STXBP5L: variants seen among roughly 807,000 people sequenced by gnomAD.
STXBP5L encodes syntaxin binding protein 5L, also known as syntaxin-binding protein 5-like.
A neutral mutation model predicts 144.5 loss-of-function variants in STXBP5L; 65 were observed. The ratio of observed to expected loss-of-function variants is 0.45; its 90% CI spans 0.37 to 0.55. The LOEUF is 0.55. STXBP5L is among the 20% of genes least tolerant of loss of function. The pLI, the probability that STXBP5L is intolerant of heterozygous loss-of-function variation, is 0.00. For synonymous variants in STXBP5L, 505 were observed against 469.6 expected (o/e 1.08, Z -0.97); for missense variants, 1,298 against 1,405.5 (o/e 0.92, Z 1.22).
intron 3 of STXBP5L, among the ~76,000 whole-genome samples, chr3:120,963,772 T>A (rs1398728822): frequency 6.6e-6 from 1 of 152,202 alleles, no homozygotes; most frequent in African/African-American, 2.4e-5. Context: ...TGTATCGGGA[T>A]AATATTGGCC....
intron 6 of STXBP5L, among the ~76,000 whole-genome samples, chr3:121,115,761 A>T (rs546485001): frequency 6.6e-6 from 1 of 152,288 alleles, no homozygotes; most frequent in Non-Finnish European, 1.5e-5. Flanking sequence ...GCTTCCAGGG[A>T]GGCCTCAGGA....
intron 5 of STXBP5L, among the ~76,000 whole-genome samples, chr3:121,059,573 C>G (rs757198078): frequency 1.3e-5 from 2 of 152,110 alleles, no homozygotes; most frequent in Non-Finnish European, 2.9e-5. Flanking sequence ...GTCAGTATGG[C>G]CATTTTCACC....
chr3:121,033,433 A>AGG (rs1474511845), intron 3 of STXBP5L, among the ~76,000 whole-genome samples: 1 of 88,446 alleles, frequency 1.1e-5, no homozygotes, highest in African/African-American at 4.5e-5. Flanking sequence ...GGGTCGGGGG[A>AGG]GGGGGGAGGG....
intron 20 of STXBP5L, among the ~76,000 whole-genome samples, chr3:121,348,523 G>T (rs2045110416): frequency 1.3e-5 from 2 of 152,122 alleles, no homozygotes; most frequent in Admixed American, 1.3e-4. Context: ...AATAGTTTCA[G>T]AAGGAATGGT....
At chr3:121,197,234 G>A (rs1364712151) in intron 9 of STXBP5L, among the ~76,000 whole-genome samples, 1 of 151,632 alleles carries the variant, frequency 6.6e-6, no homozygotes, top group African/African-American at 2.4e-5. Context: ...AAACTTTTTT[G>A]TATCTTTGAT....
At chr3:121,306,806 C>T (rs1288136906) in intron 19 of STXBP5L, among the ~76,000 whole-genome samples, 1 of 152,070 alleles carries the variant, frequency 6.6e-6, no homozygotes, top group African/African-American at 2.4e-5. Flanking sequence ...AAAAATGACC[C>T]CTTATCAAAT....
At chr3:120,938,775 C>CTTTCTT (rs1230138887) in intron 2 of STXBP5L, among the ~76,000 whole-genome samples, 1 of 151,944 alleles carries the variant, frequency 6.6e-6, no homozygotes, top group Non-Finnish European at 1.5e-5. Context: ...GTTGATTAGC[C>CTTTCTT]TTTCTTTTTC....
chr3:121,391,806 A>C (rs111943540), intron 22 of STXBP5L, among the ~76,000 whole-genome samples: 19,292 of 152,122 alleles, frequency 0.13, 1,360 homozygotes, highest in Middle Eastern at 0.18. Context: ...CACCTATATG[A>C]GGTGCCTGGC....
chr3:121,062,111 C>G (rs904739474), intron 5 of STXBP5L, among the ~76,000 whole-genome samples: 1 of 151,912 alleles, frequency 6.6e-6, no homozygotes, highest in Non-Finnish European at 1.5e-5. Context: ...ACCAGTTGTT[C>G]CTGTTCATGT....
At chr3:121,128,747 G>C (rs1396255662) in intron 7 of STXBP5L, among the ~76,000 whole-genome samples, 1 of 152,040 alleles carries the variant, frequency 6.6e-6, no homozygotes, top group Admixed American at 6.6e-5. Flanking sequence ...CTGGGATGTT[G>C]TTTGCCTTGT....
chr3:121,000,201 G>A (rs1388063875), intron 3 of STXBP5L, among the ~76,000 whole-genome samples: 1 of 152,168 alleles, frequency 6.6e-6, no homozygotes, highest in African/African-American at 2.4e-5. Context: ...CCTCAAATAT[G>A]TATTACAAGT....
chr3:121,340,906 G>A (rs1247677110), intron 20 of STXBP5L, among the ~76,000 whole-genome samples: 2 of 152,050 alleles, frequency 1.3e-5, no homozygotes, highest in Non-Finnish European at 2.9e-5. Context: ...TTGCTAGCTT[G>A]TTTATGCAAT....
intron 6 of STXBP5L, among the ~76,000 whole-genome samples, chr3:121,119,446 A>G (rs1320618389): frequency 6.6e-6 from 1 of 151,426 alleles, no homozygotes; most frequent in East Asian, 1.9e-4. Context: ...AGATATGGGA[A>G]GATAATGAAA....
intron 3 of STXBP5L, among the ~76,000 whole-genome samples, chr3:121,034,596 C>T (rs543814403): frequency 6.6e-6 from 1 of 151,262 alleles, no homozygotes; most frequent in Non-Finnish European, 1.5e-5. Flanking sequence ...ATCTATCTAG[C>T]TCACATTTTC....
intron 6 of STXBP5L, among the ~76,000 whole-genome samples, chr3:121,115,921 CAAG>C (rs2044213894): frequency 6.6e-6 from 1 of 152,084 alleles, no homozygotes; most frequent in Non-Finnish European, 1.5e-5. Context: ...CTTACTATGG[CAAG>C]AACTCACTAT....
At chr3:120,922,447 C>G (rs1190941926) in intron 2 of STXBP5L, among the ~76,000 whole-genome samples, 1 of 151,744 alleles carries the variant, frequency 6.6e-6, no homozygotes, top group Non-Finnish European at 1.5e-5. Flanking sequence ...AATTGGATAC[C>G]CCTTTATTTT....
At chr3:121,161,929 T>C (rs1429144744) in intron 9 of STXBP5L, among the ~76,000 whole-genome samples, 2 of 152,138 alleles carry the variant, frequency 1.3e-5, no homozygotes, top group Non-Finnish European at 2.9e-5. Context: ...AAATGAAATA[T>C]GATATTTAAA....
At chr3:121,095,703 GT>G (rs1294318559) in intron 5 of STXBP5L, among the ~76,000 whole-genome samples, 1 of 152,050 alleles carries the variant, frequency 6.6e-6, no homozygotes, top group Non-Finnish European at 1.5e-5. Context: ...TTTTTTCAAG[GT>G]TTTTAACTTC....
chr3:121,396,602 C>A (rs1410144653), intron 22 of STXBP5L, among the ~76,000 whole-genome samples: 1 of 152,224 alleles, frequency 6.6e-6, no homozygotes, highest in Non-Finnish European at 1.5e-5. Flanking sequence ...GGATTAACTC[C>A]TCCTGTAAAA....
Sources: gnomAD v4.1 joint callset for allele counts (sites outside exome capture counted in the v4.1 genomes callset) on GRCh38, gnomAD v4.1.1 for gene constraint, MANE v1.5 for transcripts, NCBI Gene and HGNC (gene_info 2026-07-23, HGNC 2026-07-21) for gene names.